PUM1: variants seen among roughly 807,000 people sequenced by gnomAD.
PUM1 encodes the protein pumilio RNA binding family member 1.
In PUM1, 13 loss-of-function variants were observed where a neutral mutation model predicts 131.8. That is an observed-to-expected ratio of 0.10 (90% CI 0.06 to 0.16). The LOEUF (loss-of-function observed/expected upper bound fraction) is 0.16. Among genes scored for constraint, PUM1 ranks in the 10% least tolerant of loss-of-function variants. The pLI, the probability that PUM1 is intolerant of heterozygous loss-of-function variation, is 1.00. For synonymous variants in PUM1, 509 were observed against 556.5 expected, an observed-to-expected ratio of 0.91 and a Z score of 1.20; for missense variants, 961 against 1,512.4, an observed-to-expected ratio of 0.64 and a Z score of 6.05.
intron 1 of PUM1, among the ~76,000 whole-genome samples, chr1:31,061,314 A>C (rs1194277876): frequency 6.6e-6 from 1 of 152,178 alleles, no homozygotes; most frequent in Non-Finnish European, 1.5e-5. Flanking sequence ...TTAAAAAATA[A>C]GGCTCTAAGA....
intron 7 of PUM1, among the ~76,000 whole-genome samples, chr1:30,989,917 G>C (rs1402920164): frequency 6.6e-6 from 1 of 152,212 alleles, no homozygotes; most frequent in Non-Finnish European, 1.5e-5. Flanking sequence ...AGAGAATTAT[G>C]TACATTTTTC....
chr1:31,005,503 A>T (rs1203905383), intron 5 of PUM1, among the ~76,000 whole-genome samples: 1 of 152,058 alleles, frequency 6.6e-6, no homozygotes, highest in African/African-American at 2.4e-5. Flanking sequence ...CATCAGCTTT[A>T]TTTTTTTAAT....
intron 2 of PUM1, among the ~76,000 whole-genome samples, chr1:31,052,860 C>T (rs1389036015): frequency 5.9e-5 from 9 of 151,572 alleles, no homozygotes; most frequent in South Asian, 2.1e-4. Flanking sequence ...CGCGCCACGA[C>T]GCCCGGCTGA....
intron 10 of PUM1, 115 bp from the exon 11 acceptor site, chr1:30,968,607 G>T: frequency 2.8e-6 from 3 of 1,069,338 alleles, no homozygotes; most frequent in Non-Finnish European, 2.6e-6. Context: ...TCCCTATAAT[G>T]GTTTTTATAT....
In PUM1 at chr1:30,950,113, A is replaced by G. The variant is rs750796513; in HGVS notation, c.2856+14T>C. The G allele has an allele frequency of 1.9e-6, 3 of 1,609,562 alleles. No individual in the cohort carries two copies. Among genetic ancestry groups the G allele is most frequent in the Admixed American group, 1.7e-5 (1 of 59,178 alleles). ...ACATCAAACACCAAGAGAAAAGTTA[A>G]AGGGGAAACTTACAATTACCTGCTG... is the stretch of plus-strand genomic sequence containing the variant. On this transcript the variant is annotated intron_variant, in intron 17 of 21. Transcript: ENST00000426105.
rs185649659 is a variant in PUM1 at position 30,977,571 on chromosome 1, C to G, written c.1354+2491G>C. Among the ~76,000 whole-genome samples, 10 of 152,326 alleles carry G rather than the reference C, an allele frequency of 6.6e-5. No individual in the cohort carries two copies. In the East Asian group the frequency reaches 1.9e-3, roughly 29 times the overall value. ...GGCAAATCAACTGAGCTTGGCACAT[C>G]AGGATGCCCACTTCAATTCCTGTGT... On this transcript the variant is annotated intron_variant, in intron 9 of 21. Coordinates refer to ENST00000426105, the MANE Select transcript of PUM1 (RefSeq NM_001020658.2).
At chr1:30,946,627 ACT>A (rs1639684318) in intron 17 of PUM1, among the ~76,000 whole-genome samples, 3 of 108,794 alleles carry the variant, frequency 2.8e-5, no homozygotes, top group African/African-American at 4.0e-5. Flanking sequence ...ACAGAGCGAG[ACT>A]CTGTCTCAAA....
Position 31,040,798 on chromosome 1 carries a change from C to T in PUM1, c.364-11934G>A, listed in dbSNP as rs140550354. Among the ~76,000 whole-genome samples the T allele has an allele frequency of 6.1e-3, 924 of 151,280 alleles. 9 individuals carry two copies. Among genetic ancestry groups the T allele is most frequent in the African/African-American group, 0.021 (884 of 41,246 alleles). Reference sequence around the variant, plus strand: ...TATTTTATCTTTAAAAAAAAAATAACATGAAAGGTCTCCTATGCTATGAGG... The same window carrying T: ...TATTTTATCTTTAAAAAAAAAATAATATGAAAGGTCTCCTATGCTATGAGG... On this transcript the variant is annotated intron_variant, in intron 2 of 21. Transcript: ENST00000426105.
intron 2 of PUM1, among the ~76,000 whole-genome samples, chr1:31,045,944 T>C (rs1357025273): frequency 6.6e-6 from 1 of 151,922 alleles, no homozygotes; most frequent in African/African-American, 2.4e-5. Context: ...TAGCTGGACG[T>C]GGTGGTGCAT....
chr1:30,998,348 T>G (rs185444968), intron 5 of PUM1, among the ~76,000 whole-genome samples: 5 of 152,102 alleles, frequency 3.3e-5, no homozygotes, highest in Non-Finnish European at 5.9e-5. Flanking sequence ...TATTAAGAGA[T>G]AGTATCAGCT....
At chr1:30,958,075 A>C (rs920343684) in intron 14 of PUM1, among the ~76,000 whole-genome samples, 1 of 152,210 alleles carries the variant, frequency 6.6e-6, no homozygotes, top group Non-Finnish European at 1.5e-5. Context: ...ACCTAAACAC[A>C]TACATGACTA....
At chr1:31,037,694 ACGATTC>A (rs1643658488) in intron 2 of PUM1, among the ~76,000 whole-genome samples, 1 of 151,404 alleles carries the variant, frequency 6.6e-6, no homozygotes, top group African/African-American at 2.4e-5. Context: ...GCGACAAAGC[ACGATTC>A]AGTCTCAAAA....
At chr1:30,997,328 TG>T (rs1476175111) in intron 5 of PUM1, among the ~76,000 whole-genome samples, 7 of 151,956 alleles carry the variant, frequency 4.6e-5, no homozygotes, top group Admixed American at 3.9e-4. Flanking sequence ...CTGGCTAACA[TG>T]GTGAAACCCT....
intron 14 of PUM1, among the ~76,000 whole-genome samples, chr1:30,961,149 C>A (rs1368813262): frequency 6.6e-6 from 1 of 151,660 alleles, no homozygotes; most frequent in East Asian, 1.9e-4. Context: ...GCCGAGATCA[C>A]GCCACTGCAT....
At chr1:31,048,551 T>C (rs1292410748) in intron 2 of PUM1, among the ~76,000 whole-genome samples, 1 of 151,680 alleles carries the variant, frequency 6.6e-6, no homozygotes, top group Non-Finnish European at 1.5e-5. Context: ...CTCGGCTCAC[T>C]GCAACCTCCG....
chr1:30,945,451 G>C lies in PUM1; in HGVS notation c.2889C>G (p.Val963=), dbSNP rs1405350862. Residue 963 remains valine (V), a synonymous_variant, in exon 18 of 22, where the codon GTC becomes GTG. Transcript: ENST00000426105. Reference sequence around the variant, plus strand: ...CATTCTGATCTTTCACACACTTCAAGACATGGCCATCTAGTTCCCGAACCA... The same window carrying C: ...CATTCTGATCTTTCACACACTTCAACACATGGCCATCTAGTTCCCGAACCA... ...NEMVRELDGH[V]LKCVKDQNGN... 1 of 1,614,142 alleles carries C rather than the reference G, an allele frequency of 6.2e-7. No individual in the cohort carries two copies. Among genetic ancestry groups the C allele is most frequent in the Admixed American group, 1.7e-5 (1 of 60,024 alleles).
At chr1:30,959,070 C>T (rs1640296156) in intron 14 of PUM1, among the ~76,000 whole-genome samples, 1 of 152,084 alleles carries the variant, frequency 6.6e-6, no homozygotes, top group Non-Finnish European at 1.5e-5. Flanking sequence ...TCAAAACTGA[C>T]TCAAGAAGAA....
intron 9 of PUM1, among the ~76,000 whole-genome samples, chr1:30,979,772 G>A (rs909444165): frequency 6.6e-6 from 1 of 152,168 alleles, no homozygotes; most frequent in East Asian, 1.9e-4. Flanking sequence ...GGTGGTAGGA[G>A]ATCTGGGCAA....
At chr1:30,943,725 C>T (rs535809905) in intron 18 of PUM1, among the ~76,000 whole-genome samples, 2 of 152,288 alleles carry the variant, frequency 1.3e-5, no homozygotes, top group East Asian at 3.9e-4. Context: ...AAAGACAATA[C>T]TAAATTATTT....
Sources: allele counts gnomAD v4.1 joint callset (sites outside exome capture counted in the v4.1 genomes callset), GRCh38; gene constraint gnomAD v4.1.1; transcripts MANE v1.5; gene names NCBI Gene and HGNC (gene_info 2026-07-23, HGNC 2026-07-21).